Variants in ACAP3 observed in about 807,000 individuals in gnomAD.
The protein encoded by ACAP3 is ArfGAP with coiled-coil, ankyrin repeat and PH domains 3.
ACAP3 carries 56 observed loss-of-function variants against 104.1 expected under a neutral mutation model. That is an observed-to-expected ratio of 0.54 (90% CI 0.43 to 0.67). The LOEUF is 0.67. ACAP3 is among the 30% of genes least tolerant of loss of function. ACAP3 has a pLI of 0.00. For synonymous variants in ACAP3, 628 were observed against 496.2 expected (o/e 1.27, Z -3.53); for missense variants, 1,208 against 1,174.9 (o/e 1.03, Z -0.41).
At chr1:1,300,243 G>A (rs1401041332) in intron 6 of ACAP3, 41 bp from the exon 7 acceptor site, 1 of 1,567,412 alleles carries the variant, frequency 6.4e-7, no homozygotes, top group East Asian at 2.3e-5. Flanking sequence ...CGGAGGCTGA[G>A]GCAGCCCCAA....
rs371248406 is a variant in ACAP3, at chr1:1,295,901, C to T, written c.1540G>A (p.Glu514Lys). 1 of 1,612,302 alleles carries T rather than the reference C, an allele frequency of 6.2e-7. No individual in the cohort carries two copies. The highest frequency in any genetic ancestry group is 8.5e-7 in the Non-Finnish European group (1 of 1,179,970). The change falls in exon 18 of 24, where the codon GAA (glutamate) becomes AAA (lysine). Residue 514 changes from glutamate to lysine, a missense_variant. Physicochemically the swap from Glu to Lys is moderately conservative, Grantham distance 56. Transcript: ENST00000354700. ...KEAWIKDKYV[E>K]KKFLRKAPMA... is the part of the protein sequence containing the mutation. ...GGCGCCTTCCGCAGAAACTTCTTTT[C>T]CACGTATTTGTCCTTGATCCAGGCC...
intron 1 of ACAP3, 114 bp downstream of exon 1, chr1:1,307,651 GCCCC>G: frequency 1.0e-6 from 1 of 967,182 alleles, no homozygotes. Context: ...CGGTCCTCCA[GCCCC>G]TCCCCGGCGG....
At chr1:1,298,157 G>A (rs762445954) in intron 12 of ACAP3, 44 bp from the exon 13 acceptor site, 31 of 1,571,434 alleles carry the variant, frequency 2.0e-5, no homozygotes, top group Admixed American at 5.6e-5. Flanking sequence ...GCCACCACCC[G>A]GCCCCGACCA....
chr1:1,295,086 C>G, intron 19 of ACAP3: 1 of 559,608 alleles, frequency 1.8e-6, no homozygotes, highest in Non-Finnish European at 3.2e-6. Flanking sequence ...CGGCACCCCC[C>G]GCAGTGGGCC....
At chr1:1,307,600 C>A (rs965909565) in intron 1 of ACAP3, among the ~76,000 whole-genome samples, 169 bp downstream of exon 1, 4 of 152,132 alleles carry the variant, frequency 2.6e-5, no homozygotes, top group Non-Finnish European at 5.9e-5. Context: ...TGTTCCAACC[C>A]CCGGGGCATG....
At position 1,302,982 on chromosome 1, in the gene ACAP3, G is replaced by A. The variant is rs762983570; in HGVS notation, c.226-7C>T. On this transcript the variant is annotated splice_region_variant and splice_polypyrimidine_tract_variant and intron_variant, in intron 3 of 23. Coordinates refer to ENST00000354700, the MANE Select transcript of ACAP3 (RefSeq NM_030649.3). Reference sequence around the variant, plus strand: ...CGAACCTCTGCAGACATTCCTGGAGGAGCAGATGGGAACCCGTGCTGAGAT... The same window carrying A: ...CGAACCTCTGCAGACATTCCTGGAGAAGCAGATGGGAACCCGTGCTGAGAT... The A allele has an allele frequency of 1.9e-5, 30 of 1,609,134 alleles. No individual in the cohort carries two copies. The highest frequency in any genetic ancestry group is 1.6e-4 in the Middle Eastern group (1 of 6,066).
Position 1,304,002 on chromosome 1 carries a change from C to G in ACAP3, c.105+84G>C, listed in dbSNP as rs985885459. The G allele has an allele frequency of 5.9e-6, 9 of 1,513,274 alleles. No homozygotes were observed. In the Admixed American group the frequency reaches 7.9e-5, roughly 13 times the overall value. The allele number at this position is 1,513,274 out of a possible 1,614,324, so 93.7% of individuals were successfully genotyped here. On this transcript the variant is annotated intron_variant, in intron 2 of 23. Coordinates refer to ENST00000354700, the MANE Select transcript of ACAP3 (RefSeq NM_030649.3). Reference sequence around the variant, plus strand: ...CTCCACATATGGGGGGTGTAAGTGGCTTAGTAAGGCCTGGAGGGCGAGTCT... The same window carrying G: ...CTCCACATATGGGGGGTGTAAGTGGGTTAGTAAGGCCTGGAGGGCGAGTCT...
Position 1,293,467 on chromosome 1 carries a change from G to C in ACAP3, c.*97C>G. On this transcript the variant is annotated 3_prime_UTR_variant, in exon 24 of 24. Transcript: ENST00000354700. The stretch of plus-strand genomic sequence containing the variant: ...TGGGGCTGCCAGGTATCGACCCGCG[G>C]GTCACACGCAGGGCCGCGGCCGGGT... The C allele has an allele frequency of 8.0e-7, 1 of 1,251,446 alleles. No individual in the cohort carries two copies. Among genetic ancestry groups the C allele is most frequent in the Non-Finnish European group, 1.0e-6 (1 of 986,054 alleles). The allele number at this position is 1,251,446 out of a possible 1,614,324, so 77.5% of individuals were successfully genotyped here.
rs1398893036 is a variant in ACAP3, at chr1:1,303,854, A to G, written c.105+232T>C. On this transcript the variant is annotated intron_variant, in intron 2 of 23. Coordinates refer to ENST00000354700, the MANE Select transcript of ACAP3 (RefSeq NM_030649.3). The surrounding 1 kb of genome is among the most constrained non-coding windows in gnomAD (Gnocchi z 4.0). ...AGCCACCGTGGGTCGGGGACTCACC[A>G]CAGCCCAGCCCCTCCCAGATGGGAC... The G allele has an allele frequency of 1.3e-5, 8 of 604,148 alleles. No individual in the cohort carries two copies. The highest frequency in any genetic ancestry group is 9.3e-5 in the African/African-American group (5 of 53,490). The allele number at this position is 604,148 out of a possible 1,614,324, so 37.4% of individuals were successfully genotyped here.
chr1:1,294,718 C>T lies in ACAP3; in HGVS notation c.1912G>A (p.Glu638Lys), dbSNP rs780370981. 27 of 1,549,364 alleles carry T rather than the reference C, an allele frequency of 1.7e-5. No individual in the cohort carries two copies. Among genetic ancestry groups the T allele is most frequent in the East Asian group, 7.3e-5 (3 of 40,894 alleles). The change falls in exon 20 of 24, where the codon GAG becomes AAG. Residue 638 changes from glutamate (E) to lysine (K), a missense_variant and splice_region_variant. By Grantham distance (56) the Glu-to-Lys change is moderately conservative. Transcript: ENST00000354700. ...CGGGCGAGGGCAAGACGCCACCCACCCTCCTCAGTGACGCTGTCCACCACA... is the reference window on the plus strand; with the variant it reads ...CGGGCGAGGGCAAGACGCCACCCACTCTCCTCAGTGACGCTGTCCACCACA... ...GSVVDSVTEE[E>K]GAESEESSGE...
In ACAP3 at chr1:1,303,123, C is replaced by A; in HGVS notation, c.225+39G>T. The A allele has an allele frequency of 6.4e-7, 1 of 1,570,614 alleles. No individual in the cohort carries two copies. Among genetic ancestry groups the A allele is most frequent in the Non-Finnish European group, 8.6e-7 (1 of 1,158,346 alleles). On this transcript the variant is annotated intron_variant, in intron 3 of 23. Transcript: ENST00000354700. This position sits in a 1 kb window ranked among gnomAD's most constrained non-coding sequence, Gnocchi z 4.0. ...GGGCTGCCTCCCTCGGCCTCTCCCC[C>A]AACCCCACCTTGAGGTCAGAGGTCA...
intron 1 of ACAP3, among the ~76,000 whole-genome samples, chr1:1,306,312 T>A (rs748365964): frequency 1.3e-5 from 2 of 151,564 alleles, no homozygotes; most frequent in Admixed American, 6.6e-5. Context: ...GAGGAGGAGG[T>A]CCATTAGGCT....
At position 1,303,243 on chromosome 1, in the gene ACAP3, C is replaced by T; in HGVS notation, c.144G>A (p.Lys48=). The T allele has an allele frequency of 1.2e-6, 2 of 1,602,670 alleles. No individual in the cohort carries two copies. The highest frequency in any genetic ancestry group is 1.7e-6 in the Non-Finnish European group (2 of 1,175,658). The stretch of plus-strand genomic sequence containing the variant: ...AAAGCCTGCTGGTGCTGACGTAGGC[C>T]TTACCGGCTTCCACCATGCCACTGC... The part of the protein sequence containing the change: ...KLCSGMVEAG[K]AYVSTSRLFV... Residue 48 remains lysine, a synonymous_variant, in exon 3 of 24, where the codon AAG becomes AAA. Transcript: ENST00000354700. The surrounding 1 kb of genome is among the most constrained non-coding windows in gnomAD (Gnocchi z 4.0).
chr1:1,297,922 A>G lies in ACAP3; in HGVS notation c.1028T>C (p.Leu343Pro). 1 of 1,611,898 alleles carries G rather than the reference A, an allele frequency of 6.2e-7. No homozygotes were observed. The highest frequency in any genetic ancestry group is 8.5e-7 in the Non-Finnish European group (1 of 1,179,446). Residue 343 changes from leucine (L) to proline (P), a missense_variant, in exon 14 of 24, where the codon CTG becomes CCG. Coordinates refer to ENST00000354700, the MANE Select transcript of ACAP3 (RefSeq NM_030649.3). ...EVLSPTKSCM[L>P]QADSEKLRQA... ...CCGCAGCTTCTCGGAGTCAGCCTGCAGCATGCAGCTCCTGCAGGCAGTGGA... is the reference window on the plus strand; with the variant it reads ...CCGCAGCTTCTCGGAGTCAGCCTGCGGCATGCAGCTCCTGCAGGCAGTGGA...
At chr1:1,294,253 C>T in intron 21 of ACAP3, 54 bp from the exon 22 acceptor site, 5 of 1,531,064 alleles carry the variant, frequency 3.3e-6, no homozygotes, top group Non-Finnish European at 4.4e-6. Flanking sequence ...CTCTCCGCGC[C>T]TCTGCACCCT....
intron 23 of ACAP3, 55 bp downstream of exon 23, chr1:1,293,768 G>GCCCCGCCCCTGCCCTGGAGGC: frequency 1.4e-6 from 2 of 1,476,982 alleles, no homozygotes; most frequent in South Asian, 1.3e-5. Flanking sequence ...TGCCCTGGAG[G>GCCCCGCCCCTGCCCTGGAGGC]CCCCGCCCCT....
Position 1,298,212 on chromosome 1 carries a change from A to C in ACAP3, c.916-99T>G, listed in dbSNP as rs1641281650. 5 of 1,565,888 alleles carry C rather than the reference A, an allele frequency of 3.2e-6. No individual in the cohort carries two copies. The Admixed American group carries it at 9.3e-5, about 29-fold the overall frequency. ...TGGAGACCCGGAGGCCGACTGCCTG[A>C]GCCCCAAGCCCCGTGTCCAGCTCTC... is the stretch of plus-strand genomic sequence containing the variant. On this transcript the variant is annotated intron_variant, in intron 12 of 23. Coordinates refer to ENST00000354700, the MANE Select transcript of ACAP3 (RefSeq NM_030649.3).
chr1:1,295,971 C>T (rs1570634354), intron 17 of ACAP3, 33 bp from the exon 18 acceptor site: 1 of 1,612,622 alleles, frequency 6.2e-7, no homozygotes, highest in Non-Finnish European at 8.5e-7. Flanking sequence ...GCTGTGCCCC[C>T]AGGCTGGGGC....
intron 1 of ACAP3, among the ~76,000 whole-genome samples, chr1:1,306,183 A>C (rs74045418): frequency 1.3e-5 from 2 of 152,080 alleles, no homozygotes; most frequent in Non-Finnish European, 2.9e-5. Flanking sequence ...CACAGCCCCC[A>C]TAACTGGCTC....
Sources: allele counts gnomAD v4.1 joint callset (sites outside exome capture counted in the v4.1 genomes callset), GRCh38; gene constraint gnomAD v4.1.1; non-coding constraint Gnocchi (gnomAD v3.1); transcripts MANE v1.5; gene names NCBI Gene and HGNC (gene_info 2026-07-23, HGNC 2026-07-21).